NPAS3: variants seen among roughly 807,000 people sequenced by gnomAD.
NPAS3 encodes neuronal PAS domain protein 3, also known as neuronal PAS domain-containing protein 3.
A neutral mutation model predicts 73.1 loss-of-function variants in NPAS3; 14 were observed. The ratio of observed to expected loss-of-function variants is 0.19; its 90% CI spans 0.13 to 0.30. NPAS3 has a LOEUF of 0.30. NPAS3 is among the 10% of genes least tolerant of loss of function. NPAS3 has a pLI of 1.00. For synonymous variants in NPAS3, 620 were observed against 541.5 expected (o/e 1.14, Z -2.01); for missense variants, 1,096 against 1,250.0 (o/e 0.88, Z 1.86).
intron 1 of NPAS3, among the ~76,000 whole-genome samples, chr14:32,981,339 C>G (rs1311772275): frequency 2.6e-5 from 4 of 152,182 alleles, no homozygotes; most frequent in Non-Finnish European, 5.9e-5. Flanking sequence ...CATCTTTCAT[C>G]TGAAGGGCTT....
chr14:33,348,705 G>T (rs887774206), intron 3 of NPAS3, among the ~76,000 whole-genome samples: 1 of 152,102 alleles, frequency 6.6e-6, no homozygotes, highest in Non-Finnish European at 1.5e-5. Flanking sequence ...CATTCCTAGA[G>T]CCCAGGAGCC....
intron 3 of NPAS3, among the ~76,000 whole-genome samples, chr14:33,285,752 CT>C (rs1304784280): frequency 6.6e-6 from 1 of 152,212 alleles, no homozygotes; most frequent in African/African-American, 2.4e-5. Flanking sequence ...GCAGTGCCTC[CT>C]GCCTGGATTA....
At chr14:33,710,455 G>A (rs2060785864) in intron 6 of NPAS3, among the ~76,000 whole-genome samples, 1 of 152,204 alleles carries the variant, frequency 6.6e-6, no homozygotes, top group South Asian at 2.1e-4. Context: ...TGGAACCTCA[G>A]CAAAGTGTGG....
intron 3 of NPAS3, among the ~76,000 whole-genome samples, chr14:33,233,517 A>G (rs1414124944): frequency 1.3e-5 from 2 of 152,154 alleles, no homozygotes; most frequent in Non-Finnish European, 2.9e-5. Flanking sequence ...CATACTGATC[A>G]TTTATACTGA....
intron 2 of NPAS3, among the ~76,000 whole-genome samples, chr14:33,192,342 A>G (rs947819649): frequency 4.6e-5 from 7 of 152,208 alleles, no homozygotes; most frequent in African/African-American, 1.7e-4. Flanking sequence ...GGAAGAAACC[A>G]TGGGTTCTTT....
At chr14:33,489,045 A>T (rs1339752186) in intron 4 of NPAS3, among the ~76,000 whole-genome samples, 1 of 152,140 alleles carries the variant, frequency 6.6e-6, no homozygotes, top group Non-Finnish European at 1.5e-5. Flanking sequence ...AAAACTGCTA[A>T]ATTTAGCTTT....
chr14:33,119,216 G>A (rs536928681), intron 2 of NPAS3, among the ~76,000 whole-genome samples: 1 of 152,066 alleles, frequency 6.6e-6, no homozygotes, highest in South Asian at 2.1e-4. Flanking sequence ...TTTAGGTTAG[G>A]ACAAAATTTT....
intron 2 of NPAS3, among the ~76,000 whole-genome samples, chr14:33,197,262 TG>T (rs1273401061): frequency 1.2e-4 from 18 of 149,934 alleles, no homozygotes; most frequent in Admixed American, 2.0e-4. Flanking sequence ...TGTGTGTGTG[TG>T]TGTGTTCTTT....
intron 3 of NPAS3, among the ~76,000 whole-genome samples, chr14:33,267,030 G>T (rs1042903469): frequency 3.3e-5 from 5 of 152,124 alleles, no homozygotes; most frequent in African/African-American, 1.2e-4. Flanking sequence ...CTTGACATTT[G>T]TTATTATGGC....
At chr14:33,320,507 G>A (rs1425164842) in intron 3 of NPAS3, among the ~76,000 whole-genome samples, 1 of 152,110 alleles carries the variant, frequency 6.6e-6, no homozygotes, top group Admixed American at 6.6e-5. Context: ...AATACAGACT[G>A]GTTGAACAGT....
intron 3 of NPAS3, among the ~76,000 whole-genome samples, chr14:33,239,443 T>G (rs2048145521): frequency 6.6e-6 from 1 of 151,884 alleles, no homozygotes; most frequent in Non-Finnish European, 1.5e-5. Context: ...AACAGTTTTT[T>G]CAAGGATCTT....
At chr14:33,597,787 G>A (rs1014937454) in intron 5 of NPAS3, among the ~76,000 whole-genome samples, 1 of 152,222 alleles carries the variant, frequency 6.6e-6, no homozygotes, top group African/African-American at 2.4e-5. Flanking sequence ...AAAGTATCTG[G>A]TTTTTTAAAG....
chr14:33,562,699 C>T (rs771610416), intron 5 of NPAS3, among the ~76,000 whole-genome samples: 17 of 151,828 alleles, frequency 1.1e-4, no homozygotes, highest in Non-Finnish European at 2.4e-4. Flanking sequence ...AAGCCCAAAG[C>T]ATGAGGGAAA....
intron 5 of NPAS3, among the ~76,000 whole-genome samples, chr14:33,634,247 CT>C (rs1337102602): frequency 3.3e-5 from 5 of 152,202 alleles, no homozygotes; most frequent in Admixed American, 3.3e-4. Context: ...AGCATTACCC[CT>C]AATACGTGCA....
At chr14:33,363,757 T>C (rs1488644654) in intron 3 of NPAS3, among the ~76,000 whole-genome samples, 10 of 152,368 alleles carry the variant, frequency 6.6e-5, no homozygotes, top group African/African-American at 2.4e-4. Context: ...TTTAGTCATG[T>C]TGAATTGAAT....
chr14:33,628,031 T>C (rs1425570471), intron 5 of NPAS3, among the ~76,000 whole-genome samples: 1 of 152,230 alleles, frequency 6.6e-6, no homozygotes, highest in Non-Finnish European at 1.5e-5. Context: ...GTTCACACTT[T>C]GGAAGTTGAA....
chr14:33,633,049 T>C (rs1754992315), intron 5 of NPAS3, among the ~76,000 whole-genome samples: 1 of 152,112 alleles, frequency 6.6e-6, no homozygotes, highest in Admixed American at 6.5e-5. Flanking sequence ...ATAACACAAG[T>C]TTAAAAACAA....
At chr14:33,484,426 C>T (rs756852796) in intron 4 of NPAS3, among the ~76,000 whole-genome samples, 83 of 152,176 alleles carry the variant, frequency 5.5e-4, no homozygotes, top group Non-Finnish European at 7.6e-4. Context: ...ACTGTACCTT[C>T]TTCCCGTAGT....
chr14:33,352,655 A>T (rs2045124357), intron 3 of NPAS3, among the ~76,000 whole-genome samples: 1 of 152,234 alleles, frequency 6.6e-6, no homozygotes, highest in Admixed American at 6.5e-5. Context: ...CTGTCTTCCC[A>T]TCTTTTTAAG....
Sources: allele counts gnomAD v4.1 joint callset (sites outside exome capture counted in the v4.1 genomes callset), GRCh38; gene constraint gnomAD v4.1.1; transcripts MANE v1.5; gene names NCBI Gene and HGNC (gene_info 2026-07-23, HGNC 2026-07-21).